NBEA: variants seen among roughly 807,000 people sequenced by gnomAD.
NBEA encodes neurobeachin.
Under a neutral mutation model 343.4 loss-of-function variants are expected in NBEA, and 44 were observed. The ratio of observed to expected loss-of-function variants is 0.13; its 90% confidence interval spans 0.10 to 0.16. NBEA has a LOEUF of 0.16. Among genes scored for constraint, NBEA ranks in the 10% least tolerant of loss-of-function variants. The probability of loss-of-function intolerance (pLI) is 1.00; values close to 1 mark genes in which losing one functional copy is unlikely to be tolerated. For synonymous variants in NBEA, 1,175 were observed against 1,238.7 expected (o/e 0.95, Z 1.08); for missense variants, 2,555 against 3,631.3 (o/e 0.70, Z 7.62).
intron 38 of NBEA, among the ~76,000 whole-genome samples, chr13:35,390,615 A>G (rs1224390328): frequency 6.6e-6 from 1 of 152,180 alleles, no homozygotes; most frequent in Non-Finnish European, 1.5e-5. Context: ...TGGAATGGGG[A>G]AACTTAAATA....
chr13:35,502,740 CA>C (rs2076936157), intron 41 of NBEA, among the ~76,000 whole-genome samples: 1 of 152,000 alleles, frequency 6.6e-6, no homozygotes, highest in African/African-American at 2.4e-5. Context: ...CTCCCTGCAC[CA>C]GCTTGTTTAG....
intron 33 of NBEA, among the ~76,000 whole-genome samples, chr13:35,211,979 G>A (rs753380383): frequency 1.4e-5 from 2 of 147,634 alleles, no homozygotes; most frequent in Non-Finnish European, 3.0e-5. Context: ...CTCATTCTTG[G>A]AGTAAGATTG....
At chr13:35,601,057 A>G (rs1057328827) in intron 47 of NBEA, among the ~76,000 whole-genome samples, 1 of 152,100 alleles carries the variant, frequency 6.6e-6, no homozygotes, top group Non-Finnish European at 1.5e-5. Flanking sequence ...CACACCTGTA[A>G]TCCCAGCTAC....
chr13:35,252,359 G>A (rs1386423423), intron 34 of NBEA, among the ~76,000 whole-genome samples: 1 of 152,152 alleles, frequency 6.6e-6, no homozygotes, highest in Non-Finnish European at 1.5e-5. Flanking sequence ...TTGACACTTG[G>A]GGATTATGAG....
chr13:35,536,736 A>C (rs915874301), intron 41 of NBEA, among the ~76,000 whole-genome samples: 3 of 152,316 alleles, frequency 2.0e-5, no homozygotes, highest in Middle Eastern at 3.4e-3. Context: ...CTAGTCGTGG[A>C]TGCTGTCAAA....
At chr13:35,389,681 T>G (rs938048733) in intron 38 of NBEA, among the ~76,000 whole-genome samples, 6 of 152,138 alleles carry the variant, frequency 3.9e-5, no homozygotes, top group African/African-American at 1.2e-4. Context: ...TGGTTCCTAC[T>G]TTGATTGCAA....
chr13:35,465,957 A>G (rs563308456), intron 40 of NBEA, among the ~76,000 whole-genome samples: 1 of 152,100 alleles, frequency 6.6e-6, no homozygotes, highest in Non-Finnish European at 1.5e-5. Context: ...ATTATGTATT[A>G]TAAATACATT....
chr13:34,967,550 A>G (rs2059862539), intron 1 of NBEA, among the ~76,000 whole-genome samples: 1 of 152,088 alleles, frequency 6.6e-6, no homozygotes. Flanking sequence ...TGGGAAAGAT[A>G]GACAAGTAAA....
intron 47 of NBEA, among the ~76,000 whole-genome samples, chr13:35,605,310 T>C (rs6563041): frequency 0.22 from 33,411 of 152,098 alleles, 3,853 homozygotes; most frequent in African/African-American, 0.23. Flanking sequence ...CTAAAATGAA[T>C]GCCCACTTAA....
chr13:35,420,215 G>A (rs529779720), intron 38 of NBEA, among the ~76,000 whole-genome samples: 1 of 152,042 alleles, frequency 6.6e-6, no homozygotes, highest in Non-Finnish European at 1.5e-5. Flanking sequence ...TTTAGGTGGA[G>A]AACATTCAGT....
At chr13:34,949,279 T>C (rs1455267954) in intron 1 of NBEA, among the ~76,000 whole-genome samples, 1 of 152,222 alleles carries the variant, frequency 6.6e-6, no homozygotes, top group Non-Finnish European at 1.5e-5. Flanking sequence ...GGCCTATTGC[T>C]ATGAGACTGA....
intron 36 of NBEA, among the ~76,000 whole-genome samples, chr13:35,345,458 G>A (rs1202513277): frequency 6.6e-6 from 1 of 151,718 alleles, no homozygotes; most frequent in Non-Finnish European, 1.5e-5. Flanking sequence ...TTATTTTTAA[G>A]TGAGTGAGCT....
intron 41 of NBEA, among the ~76,000 whole-genome samples, chr13:35,531,136 A>G (rs781710959): frequency 1.3e-5 from 2 of 152,210 alleles, no homozygotes; most frequent in African/African-American, 2.4e-5. Context: ...ACATTTCTAC[A>G]GAGTCATGAT....
chr13:35,097,303 A>G (rs1351278050), intron 10 of NBEA, among the ~76,000 whole-genome samples: 5 of 151,872 alleles, frequency 3.3e-5, no homozygotes, highest in African/African-American at 1.2e-4. Flanking sequence ...AATCACTTGT[A>G]AGAATGAGTA....
intron 34 of NBEA, among the ~76,000 whole-genome samples, chr13:35,256,094 T>C (rs1337958337): frequency 6.6e-6 from 1 of 152,028 alleles, no homozygotes; most frequent in East Asian, 1.9e-4. Flanking sequence ...CCAGAGTGGG[T>C]AGCTCCTATC....
intron 39 of NBEA, among the ~76,000 whole-genome samples, chr13:35,450,019 G>T (rs1243293444): frequency 6.6e-6 from 1 of 152,150 alleles, no homozygotes; most frequent in Admixed American, 6.5e-5. Context: ...CTCAACATGT[G>T]TTTTTACTCT....
chr13:35,642,082 G>C (rs1404256464), intron 49 of NBEA, among the ~76,000 whole-genome samples: 1 of 152,182 alleles, frequency 6.6e-6, no homozygotes, highest in African/African-American at 2.4e-5. Flanking sequence ...TGGCTGCATG[G>C]TCTTTTGTAT....
intron 11 of NBEA, among the ~76,000 whole-genome samples, chr13:35,106,942 A>G (rs1180978901): frequency 2.0e-5 from 3 of 151,902 alleles, no homozygotes; most frequent in Admixed American, 6.6e-5. Context: ...GACATGATGA[A>G]TAATTTTTAT....
At chr13:34,985,764 G>A (rs1383759157) in intron 1 of NBEA, among the ~76,000 whole-genome samples, 5 of 150,856 alleles carry the variant, frequency 3.3e-5, no homozygotes, top group African/African-American at 1.2e-4. Context: ...TTTAGTCTTG[G>A]GAGGGTGTAT....
Sources: gnomAD v4.1 joint callset for allele counts (sites outside exome capture counted in the v4.1 genomes callset) on GRCh38, gnomAD v4.1.1 for gene constraint, MANE v1.5 for transcripts, NCBI Gene and HGNC (gene_info 2026-07-23, HGNC 2026-07-21) for gene names.